ITCH: variants seen among roughly 807,000 people sequenced by gnomAD.
ITCH encodes E3 ubiquitin-protein ligase Itchy homolog.
A neutral mutation model predicts 126.8 loss-of-function variants in ITCH; 28 were observed. The observed-to-expected ratio is 0.22, with a 90% confidence interval of 0.16 to 0.30. The LOEUF is 0.30. Among genes scored for constraint, ITCH ranks in the 10% least tolerant of loss-of-function variants. ITCH has a pLI of 1.00. For missense variants in ITCH, 631 were observed against 1,032.4 expected, an observed-to-expected ratio of 0.61 and a Z score of 5.33; for synonymous variants, 342 against 340.0, an observed-to-expected ratio of 1.01 and a Z score of -0.06.
intron 3 of ITCH, 129 bp from the exon 4 acceptor site, chr20:34,408,522 G>T: frequency 1.2e-6 from 1 of 808,204 alleles, no homozygotes; most frequent in South Asian, 1.6e-5. Context: ...AATAAAATTG[G>T]TAAGTATTTT....
rs531392247 is a variant in ITCH at position 34,472,075 on chromosome 20, G to C, written c.1569+560G>C. Among the ~76,000 whole-genome samples the C allele has an allele frequency of 3.3e-5, 5 of 152,256 alleles. No individual in the cohort carries two copies. In the South Asian group the frequency reaches 1.0e-3, roughly 32 times the overall value. On this transcript the variant is annotated intron_variant, in intron 16 of 24. Coordinates refer to ENST00000374864, the MANE Select transcript of ITCH (RefSeq NM_031483.7). The stretch of plus-strand genomic sequence containing the variant: ...CAGCAGATTTTTTCACTTGTCTTCA[G>C]AACTTGAGTTAATTTACTCGCTGGG...
chr20:34,423,739 G>A (rs1317378642), intron 6 of ITCH, among the ~76,000 whole-genome samples: 2 of 152,144 alleles, frequency 1.3e-5, no homozygotes, highest in African/African-American at 4.8e-5. Flanking sequence ...AAGTAGCTGG[G>A]ATTGCAGGTG....
chr20:34,429,374 A>C (rs548921924), intron 7 of ITCH, among the ~76,000 whole-genome samples: 1 of 152,248 alleles, frequency 6.6e-6, no homozygotes, highest in Non-Finnish European at 1.5e-5. Flanking sequence ...ACTTAAACTT[A>C]TTAAAATAAA....
At chr20:34,410,953 C>T (rs1438196452) in intron 4 of ITCH, among the ~76,000 whole-genome samples, 2 of 152,084 alleles carry the variant, frequency 1.3e-5, no homozygotes, top group African/African-American at 4.8e-5. Flanking sequence ...AGTTATTTTC[C>T]TGAATTTTTA....
intron 12 of ITCH, among the ~76,000 whole-genome samples, chr20:34,455,527 A>G (rs1283594351): frequency 6.7e-6 from 1 of 149,846 alleles, no homozygotes; most frequent in Admixed American, 6.7e-5. Context: ...GCTGTAATCC[A>G]TCTCGGCACA....
intron 6 of ITCH, among the ~76,000 whole-genome samples, chr20:34,424,197 CA>C (rs753159295): frequency 1.3e-5 from 2 of 150,988 alleles, no homozygotes; most frequent in African/African-American, 2.4e-5. Flanking sequence ...AGACATATTT[CA>C]AAAAAAAGGC....
intron 8 of ITCH, among the ~76,000 whole-genome samples, 187 bp downstream of exon 8, chr20:34,438,818 A>T (rs918602832): frequency 2.0e-5 from 3 of 152,208 alleles, no homozygotes; most frequent in African/African-American, 4.8e-5. Context: ...GTTCAAGGTG[A>T]CGTTACTGAG....
At chr20:34,388,342 T>C (rs1473735453) in intron 2 of ITCH, among the ~76,000 whole-genome samples, 1 of 152,122 alleles carries the variant, frequency 6.6e-6, no homozygotes, top group Admixed American at 6.6e-5. Context: ...GTTTGTTTGT[T>C]TGCTTGTTTG....
rs1384666625 is a variant in ITCH, at chr20:34,405,164, A to AG, written c.71-3485dup. Among the ~76,000 whole-genome samples, 386 of 148,718 alleles carry AG rather than the reference A, an allele frequency of 2.6e-3. 6 individuals are homozygous for AG. Among genetic ancestry groups the AG allele is most frequent in the African/African-American group, 9.0e-3 (364 of 40,406 alleles). ...CTCAAAAAAAAAAAAAAAAAAAAAA[A>AG]GGTTTCAGTGGGGTTTGGTAGGATT... is the stretch of plus-strand genomic sequence containing the variant. On this transcript the variant is annotated intron_variant, in intron 3 of 24. Coordinates refer to ENST00000374864, the MANE Select transcript of ITCH (RefSeq NM_031483.7).
At position 34,445,260 on chromosome 20, in the gene ITCH, G is replaced by GGT. The variant is rs879144770; in HGVS notation, c.966-27_966-26insGT. ...TCACAAGTATTTGTTGAATTAGCTTGTTTTTTTTTTTTTTTTTCTGATTTA... is the reference window on the plus strand; with the variant it reads ...TCACAAGTATTTGTTGAATTAGCTTGGTTTTTTTTTTTTTTTTTTCTGATTTA... On this transcript the variant is annotated intron_variant, in intron 10 of 24. Transcript: ENST00000374864. 1.5e-5 allele frequency: 22 copies of GGT among 1,436,184 alleles called. No individual in the cohort carries two copies. In the African/African-American group the frequency reaches 2.8e-4, roughly 18 times the overall value. 89.0% of individuals were successfully genotyped at this position (1,436,184 alleles called of 1,614,324 possible).
At chr20:34,414,387 C>G (rs1416505999) in intron 6 of ITCH, among the ~76,000 whole-genome samples, 3 of 147,816 alleles carry the variant, frequency 2.0e-5, no homozygotes, top group African/African-American at 5.0e-5. Context: ...ACACCGCCAA[C>G]TGTGCCAATG....
chr20:34,364,714 A>C (rs2037343778), intron 1 of ITCH, among the ~76,000 whole-genome samples: 1 of 109,736 alleles, frequency 9.1e-6, no homozygotes, highest in Non-Finnish European at 2.0e-5. Flanking sequence ...CCCCGTCTCT[A>C]CTAAAAATAC....
At chr20:34,442,052 A>G (rs1317150149) in intron 9 of ITCH, 156 bp from the exon 10 acceptor site, 3 of 677,872 alleles carry the variant, frequency 4.4e-6, no homozygotes, top group Non-Finnish European at 8.1e-6. Flanking sequence ...ACATTTCTTC[A>G]CTTTATTCCT....
chr20:34,489,677 T>G, intron 21 of ITCH, 145 bp from the exon 22 acceptor site: 1 of 718,904 alleles, frequency 1.4e-6, no homozygotes, highest in Non-Finnish European at 2.5e-6. Flanking sequence ...TCATGAGCAA[T>G]GTAGATATAA....
At position 34,507,877 on chromosome 20, in the gene ITCH, T is replaced by C; in HGVS notation, c.*83T>C. ...CTGCCTGTTGCACATCTTGTAAAATTGGACAATGGCTCTTTAGAGAGTTAT... is the reference window on the plus strand; with the variant it reads ...CTGCCTGTTGCACATCTTGTAAAATCGGACAATGGCTCTTTAGAGAGTTAT... On this transcript the variant is annotated 3_prime_UTR_variant, in exon 25 of 25. Coordinates refer to ENST00000374864, the MANE Select transcript of ITCH (RefSeq NM_031483.7). 2 of 960,682 alleles carry C rather than the reference T, an allele frequency of 2.1e-6. No homozygotes were observed. The highest frequency in any genetic ancestry group is 3.4e-6 in the Non-Finnish European group (2 of 592,104). The allele number at this position is 960,682 out of a possible 1,614,324, so 59.5% of individuals were successfully genotyped here.
At chr20:34,497,607 A>G (rs563136045) in intron 23 of ITCH, among the ~76,000 whole-genome samples, 34 of 152,060 alleles carry the variant, frequency 2.2e-4, no homozygotes, top group African/African-American at 8.2e-4. Context: ...GATGGAATGT[A>G]TCACTCTGTC....
At chr20:34,507,455 A>C (rs1478758847) in intron 24 of ITCH, among the ~76,000 whole-genome samples, 1 of 151,052 alleles carries the variant, frequency 6.6e-6, no homozygotes, top group Non-Finnish European at 1.5e-5. Flanking sequence ...TCCTTTGTTC[A>C]TTTTTAAATA....
chr20:34,456,182 GTGTATATA>G (rs1484027256), intron 12 of ITCH, among the ~76,000 whole-genome samples: 58 of 37,182 alleles, frequency 1.6e-3, no homozygotes, highest in African/African-American at 8.1e-3. Flanking sequence ...GTGTGTGTGT[GTGTATATA>G]TATATATATA....
intron 14 of ITCH, among the ~76,000 whole-genome samples, chr20:34,467,678 A>ATTTTTTTTTTTTTT (rs147009659): frequency 4.1e-5 from 4 of 98,064 alleles, no homozygotes; most frequent in East Asian, 2.9e-4. Flanking sequence ...TTTCTTTTTC[A>ATTTTTTTTTTTTTT]TTTTTTTTTT....
Sources: allele counts gnomAD v4.1 joint callset (sites outside exome capture counted in the v4.1 genomes callset), GRCh38; gene constraint gnomAD v4.1.1; transcripts MANE v1.5; gene names NCBI Gene and HGNC (gene_info 2026-07-23, HGNC 2026-07-21).